The following MAP4K5 variants were observed in gnomAD, a reference collection of about 807,000 sequenced individuals.
MAP4K5 encodes MAPK/ERK kinase kinase kinase 5.
MAP4K5 carries 82 observed loss-of-function variants against 135.6 expected under a neutral mutation model. The observed-to-expected ratio is 0.60, with a 90% CI of 0.51 to 0.73. MAP4K5 has a LOEUF of 0.73. Among genes scored for constraint, MAP4K5 ranks in the 30% least tolerant of loss-of-function variants. The pLI, the probability that MAP4K5 is intolerant of heterozygous loss-of-function variation, is 0.00. For missense variants in MAP4K5, 907 were observed against 1,010.9 expected, an observed-to-expected ratio of 0.90 and a Z score of 1.39; for synonymous variants, 347 against 335.0, an observed-to-expected ratio of 1.04 and a Z score of -0.39.
chr14:50,442,405 A>C (rs1354285304), intron 21 of MAP4K5, among the ~76,000 whole-genome samples: 2 of 152,158 alleles, frequency 1.3e-5, no homozygotes, highest in Non-Finnish European at 2.9e-5. Flanking sequence ...CTTAAACAAT[A>C]AACAAGGTTA....
rs189961085 is a variant in MAP4K5 at position 50,474,930 on chromosome 14, C to T, written c.542+147G>A. ...ACCATGAATATGAGCATCAAAGTTC[C>T]CTAACCCAAACAGAACTTATGATAC... On this transcript the variant is annotated intron_variant, in intron 9 of 32. Transcript: ENST00000682126. 660 of 658,180 alleles carry T rather than the reference C, an allele frequency of 1.0e-3. 2 individuals are homozygous for T. The highest frequency in any genetic ancestry group is 2.8e-3 in the Admixed American group (112 of 40,596). 40.8% of individuals were successfully genotyped at this position (658,180 alleles called of 1,614,324 possible). A position where few individuals can be genotyped will look rare whatever the true frequency, so the allele number is the denominator to read the frequency against.
At chr14:50,480,138 C>A (rs2037204057) in intron 6 of MAP4K5, among the ~76,000 whole-genome samples, 1 of 151,764 alleles carries the variant, frequency 6.6e-6, no homozygotes, top group African/African-American at 2.4e-5. Flanking sequence ...GGAGGTATTC[C>A]CTTCCTAAGC....
chr14:50,421,554 G>A (rs1382271663), intron 32 of MAP4K5, among the ~76,000 whole-genome samples: 2 of 151,596 alleles, frequency 1.3e-5, no homozygotes, highest in Admixed American at 6.6e-5. Context: ...GAGTCACCGC[G>A]CCCGGCAACA....
chr14:50,447,746 T>C (rs1226370614), intron 15 of MAP4K5, among the ~76,000 whole-genome samples: 1 of 152,180 alleles, frequency 6.6e-6, no homozygotes, highest in Non-Finnish European at 1.5e-5. Context: ...TGTGAGCATA[T>C]TCCAAAGCAA....
chr14:50,419,847 T>C lies in MAP4K5; in HGVS notation c.*172A>G. ...CACCACACAGTGGCAAGAGATAGAC[T>C]AGCTGTTTCCAGCTGCAGAAAATAT... On this transcript the variant is annotated 3_prime_UTR_variant, in exon 33 of 33. Transcript: ENST00000682126. The C allele has an allele frequency of 1.7e-6, 1 of 578,368 alleles. No individual in the cohort carries two copies. The highest frequency in any genetic ancestry group is 2.3e-5 in the South Asian group (1 of 43,690). 35.8% of individuals were successfully genotyped at this position (578,368 alleles called of 1,614,324 possible).
chr14:50,456,953 G>A (rs185997329), intron 13 of MAP4K5, among the ~76,000 whole-genome samples: 1 of 152,314 alleles, frequency 6.6e-6, no homozygotes, highest in East Asian at 1.9e-4. Flanking sequence ...TTGACCTGAA[G>A]GGGTATAGTT....
At chr14:50,508,486 T>C (rs866775500) in intron 2 of MAP4K5, among the ~76,000 whole-genome samples, 10 of 151,934 alleles carry the variant, frequency 6.6e-5, no homozygotes, top group Admixed American at 5.9e-4. Flanking sequence ...AAACACCACA[T>C]GTTCTCACTC....
chr14:50,490,148 T>C (rs1355704934), intron 3 of MAP4K5, among the ~76,000 whole-genome samples: 2 of 144,756 alleles, frequency 1.4e-5, no homozygotes, highest in Non-Finnish European at 3.0e-5. Flanking sequence ...TGTGTGTGTG[T>C]GTGTGTGTGT....
chr14:50,502,176 A>G (rs866700015), intron 3 of MAP4K5, among the ~76,000 whole-genome samples: 1 of 152,178 alleles, frequency 6.6e-6, no homozygotes, highest in Non-Finnish European at 1.5e-5. Context: ...GCTCAAGGTC[A>G]TCACCAAGGT....
At chr14:50,421,172 G>A (rs2035722108) in intron 32 of MAP4K5, among the ~76,000 whole-genome samples, 1 of 152,006 alleles carries the variant, frequency 6.6e-6, no homozygotes, top group Non-Finnish European at 1.5e-5. Context: ...ACTGCCCAGA[G>A]TTAACTGTTA....
chr14:50,471,504 C>A (rs1391080817), intron 9 of MAP4K5, among the ~76,000 whole-genome samples: 1 of 151,946 alleles, frequency 6.6e-6, no homozygotes, highest in Non-Finnish European at 1.5e-5. Flanking sequence ...ACCCCGAGAA[C>A]AGAAGAAATC....
intron 6 of MAP4K5, among the ~76,000 whole-genome samples, chr14:50,481,449 AAT>A (rs2037241039): frequency 6.6e-6 from 1 of 151,980 alleles, no homozygotes; most frequent in Non-Finnish European, 1.5e-5. Flanking sequence ...CATTTTGGAA[AAT>A]ATTAGAGAAC....
intron 6 of MAP4K5, among the ~76,000 whole-genome samples, chr14:50,480,629 A>T (rs1380462965): frequency 6.6e-6 from 1 of 152,172 alleles, no homozygotes; most frequent in Non-Finnish European, 1.5e-5. Context: ...CTTGAAAATA[A>T]GCCTCATTTT....
At chr14:50,426,008 T>C (rs3759590) in intron 30 of MAP4K5, 31 bp from the exon 31 acceptor site, 29,613 of 1,342,836 alleles carry the variant, frequency 0.022, 474 homozygotes, top group East Asian at 0.066. Context: ...GTGAAACTAA[T>C]ATAAAGCACA....
At chr14:50,479,446 T>C (rs1566668422) in intron 6 of MAP4K5, among the ~76,000 whole-genome samples, 1 of 147,870 alleles carries the variant, frequency 6.8e-6, no homozygotes, top group East Asian at 1.9e-4. Context: ...TTAATTAACA[T>C]CCTTTGTTAA....
At chr14:50,445,494 A>G (rs1421379478) in intron 17 of MAP4K5, among the ~76,000 whole-genome samples, 2 of 152,216 alleles carry the variant, frequency 1.3e-5, no homozygotes, top group Non-Finnish European at 2.9e-5. Flanking sequence ...CATAAGAATG[A>G]TAAATGATGA....
intron 14 of MAP4K5, 43 bp from the exon 15 acceptor site, chr14:50,448,875 A>C: frequency 1.2e-6 from 1 of 861,432 alleles, no homozygotes; most frequent in Non-Finnish European, 1.8e-6. Flanking sequence ...AGCATCTCAA[A>C]GGGTTGATCT....
chr14:50,519,257 A>G (rs1168806890), intron 2 of MAP4K5, among the ~76,000 whole-genome samples: 1 of 152,096 alleles, frequency 6.6e-6, no homozygotes, highest in Non-Finnish European at 1.5e-5. Flanking sequence ...TATCTATTCT[A>G]TGATTTATAC....
At chr14:50,444,984 C>A in intron 18 of MAP4K5, 57 bp downstream of exon 18, 3 of 1,514,264 alleles carry the variant, frequency 2.0e-6, no homozygotes, top group South Asian at 1.3e-5. Context: ...ATTTATTCAC[C>A]CAGATAACAA....
Sources: gnomAD v4.1 joint callset for allele counts (sites outside exome capture counted in the v4.1 genomes callset) on GRCh38, gnomAD v4.1.1 for gene constraint, MANE v1.5 for transcripts, NCBI Gene and HGNC (gene_info 2026-07-23, HGNC 2026-07-21) for gene names.